PTPRK: variants seen among roughly 807,000 people sequenced by gnomAD.
PTPRK encodes the protein protein tyrosine phosphatase receptor type K, also known as receptor-type tyrosine-protein phosphatase kappa.
PTPRK carries 75 observed loss-of-function variants against 178.0 expected under a neutral mutation model. The ratio of observed to expected loss-of-function variants is 0.42; its 90% CI spans 0.35 to 0.51. The LOEUF is 0.51. Among genes scored for constraint, PTPRK ranks in the 20% least tolerant of loss-of-function variants. The pLI is 0.02. For synonymous variants in PTPRK, 637 were observed against 620.6 expected (o/e 1.03, Z -0.39); for missense variants, 1,441 against 1,797.8 (o/e 0.80, Z 3.59).
At chr6:128,225,604 T>C (rs1224358658) in intron 5 of PTPRK, among the ~76,000 whole-genome samples, 2 of 152,088 alleles carry the variant, frequency 1.3e-5, no homozygotes, top group Non-Finnish European at 2.9e-5. Context: ...TCCAAAAACA[T>C]GAAATCATTT....
chr6:128,193,333 T>C (rs972345621), intron 6 of PTPRK, among the ~76,000 whole-genome samples: 3 of 151,668 alleles, frequency 2.0e-5, no homozygotes, highest in Non-Finnish European at 4.4e-5. Flanking sequence ...GCATTAATTT[T>C]TTTTGTCTTT....
intron 1 of PTPRK, among the ~76,000 whole-genome samples, chr6:128,513,123 C>T (rs1857417413): frequency 6.6e-6 from 1 of 151,906 alleles, no homozygotes; most frequent in African/African-American, 2.4e-5. Context: ...TTTTAAAAAG[C>T]TTGTATAGTA....
chr6:128,240,725 CT>C (rs1814265870), intron 4 of PTPRK, among the ~76,000 whole-genome samples: 1 of 152,060 alleles, frequency 6.6e-6, no homozygotes, highest in African/African-American at 2.4e-5. Context: ...AACTGGTAAA[CT>C]TTTTTTCTAT....
At chr6:128,007,504 A>G (rs1325116717) in intron 14 of PTPRK, among the ~76,000 whole-genome samples, 1 of 150,952 alleles carries the variant, frequency 6.6e-6, no homozygotes, top group African/African-American at 2.4e-5. Context: ...TCAAGTTGTC[A>G]TATTACACAA....
chr6:128,121,582 CA>C (rs1463728350), intron 7 of PTPRK, among the ~76,000 whole-genome samples: 4 of 151,894 alleles, frequency 2.6e-5, no homozygotes, highest in Non-Finnish European at 5.9e-5. Context: ...CTTATCTGCA[CA>C]GAAAAGTTTT....
intron 21 of PTPRK, among the ~76,000 whole-genome samples, chr6:127,989,215 AT>A (rs2114654463): frequency 6.6e-6 from 1 of 152,136 alleles, no homozygotes; most frequent in East Asian, 1.9e-4. Context: ...CATATTCCAC[AT>A]TTCTTTTTTA....
At chr6:128,294,422 T>C (rs1279349305) in intron 3 of PTPRK, among the ~76,000 whole-genome samples, 1 of 152,106 alleles carries the variant, frequency 6.6e-6, no homozygotes, top group Non-Finnish European at 1.5e-5. Flanking sequence ...TGCTGTTTCA[T>C]ATCTATTTCT....
At chr6:128,043,353 A>G (rs553041997) in intron 13 of PTPRK, among the ~76,000 whole-genome samples, 93 of 152,200 alleles carry the variant, frequency 6.1e-4, no homozygotes, top group African/African-American at 2.2e-3. Flanking sequence ...AACTGTCTGT[A>G]CTGCCTCAGA....
At chr6:128,494,328 A>G (rs942022384) in intron 1 of PTPRK, among the ~76,000 whole-genome samples, 1 of 152,072 alleles carries the variant, frequency 6.6e-6, no homozygotes, top group Non-Finnish European at 1.5e-5. Flanking sequence ...ATAATGATTT[A>G]GTAGATTTTA....
At chr6:128,334,329 T>A (rs1830637618) in intron 2 of PTPRK, among the ~76,000 whole-genome samples, 1 of 152,176 alleles carries the variant, frequency 6.6e-6, no homozygotes, top group African/African-American at 2.4e-5. Context: ...AAACAAGGTA[T>A]GCCTGTAGCT....
chr6:128,517,445 C>T (rs1353381246), intron 1 of PTPRK, among the ~76,000 whole-genome samples: 1 of 152,136 alleles, frequency 6.6e-6, no homozygotes, highest in Non-Finnish European at 1.5e-5. Flanking sequence ...AGTGAATAAA[C>T]TTTAATACTT....
intron 5 of PTPRK, among the ~76,000 whole-genome samples, chr6:128,221,311 T>G: frequency 6.7e-6 from 1 of 150,002 alleles, no homozygotes; most frequent in East Asian, 2.0e-4. Context: ...GATCACGAGG[T>G]CAGGAGATCA....
intron 6 of PTPRK, among the ~76,000 whole-genome samples, chr6:128,214,494 C>G (rs150944966): frequency 1.2e-4 from 19 of 152,152 alleles, no homozygotes; most frequent in African/African-American, 3.9e-4. Context: ...GTCCTGTGTA[C>G]AAAAGCTCTC....
chr6:128,367,705 G>C (rs988741382), intron 2 of PTPRK, among the ~76,000 whole-genome samples: 1 of 152,116 alleles, frequency 6.6e-6, no homozygotes, highest in Admixed American at 6.6e-5. Flanking sequence ...TGGTGATAGA[G>C]AGCATTTCTC....
intron 1 of PTPRK, among the ~76,000 whole-genome samples, chr6:128,464,645 A>ATATATATGTG (rs1554271884): frequency 2.3e-5 from 2 of 86,990 alleles, no homozygotes; most frequent in African/African-American, 1.1e-4. Flanking sequence ...ACACATATAT[A>ATATATATGTG]TATATATATA....
chr6:128,283,468 T>C (rs989606872), intron 3 of PTPRK, among the ~76,000 whole-genome samples: 1 of 152,172 alleles, frequency 6.6e-6, no homozygotes, highest in Non-Finnish European at 1.5e-5. Context: ...GAAGTAATAA[T>C]GCTGGGGGAA....
chr6:128,092,036 G>C (rs913389194), intron 7 of PTPRK, among the ~76,000 whole-genome samples: 1 of 151,780 alleles, frequency 6.6e-6, no homozygotes, highest in African/African-American at 2.4e-5. Flanking sequence ...GTCTTTAAAT[G>C]CTGCTTACTT....
intron 29 of PTPRK, among the ~76,000 whole-genome samples, chr6:127,972,253 A>G (rs1774012578): frequency 6.6e-6 from 1 of 152,214 alleles, no homozygotes; most frequent in South Asian, 2.1e-4. Flanking sequence ...GCAAGCAACA[A>G]TGATGCCTTG....
intron 3 of PTPRK, among the ~76,000 whole-genome samples, chr6:128,284,759 A>G (rs1240606828): frequency 2.0e-5 from 3 of 152,204 alleles, no homozygotes; most frequent in Non-Finnish European, 4.4e-5. Context: ...CTGTAAAGCT[A>G]AGGAAACTAG....
Sources: gnomAD v4.1 joint callset for allele counts (sites outside exome capture counted in the v4.1 genomes callset) on GRCh38, gnomAD v4.1.1 for gene constraint, MANE v1.5 for transcripts, NCBI Gene and HGNC (gene_info 2026-07-23, HGNC 2026-07-21) for gene names.